The following PCDHA1 variants were observed in gnomAD, a reference collection of about 807,000 sequenced individuals.
The protein encoded by PCDHA1 is protocadherin alpha-1.
Under a neutral mutation model 61.3 loss-of-function variants are expected in PCDHA1, and 42 were observed. The ratio of observed to expected loss-of-function variants is 0.69; its 90% CI spans 0.54 to 0.89. The LOEUF is 0.89. Among genes scored for constraint, PCDHA1 ranks in the 40% least tolerant of loss-of-function variants. The pLI is 0.00. For synonymous variants in PCDHA1, 610 were observed against 553.8 expected (o/e 1.10, Z -1.43); for missense variants, 1,256 against 1,235.3 (o/e 1.02, Z -0.25).
chr5:140,804,899 T>A, intron 1 of PCDHA1: 5 of 770,384 alleles, frequency 6.5e-6, no homozygotes, highest in Non-Finnish European at 9.5e-6. Context: ...TCCCCTCACT[T>A]CCATTTTCTT....
At chr5:140,978,739 T>C (rs2096820890) in intron 1 of PCDHA1, among the ~76,000 whole-genome samples, 1 of 152,252 alleles carries the variant, frequency 6.6e-6, no homozygotes, top group Non-Finnish European at 1.5e-5. Context: ...TCTTCCAGGG[T>C]ATCTAATCTG....
chr5:140,953,963 G>A lies in PCDHA1; in HGVS notation c.2395-24986G>A, dbSNP rs193094168. ...CATTGCTCCCCCAACAGGCCCCAGT[G>A]TGTGTTGTTCCCCTTCATATTTTCA... On this transcript the variant is annotated intron_variant, in intron 1 of 3. Transcript: ENST00000504120. Among the ~76,000 whole-genome samples the A allele has an allele frequency of 2.1e-3, 322 of 152,136 alleles. 11 individuals carry two copies. Among genetic ancestry groups the A allele is most frequent in the Admixed American group, 0.021 (314 of 15,274 alleles).
chr5:140,853,458 T>TA lies in PCDHA1; in HGVS notation c.2394+64775dup. 7 of 974,486 alleles carry TA rather than the reference T, an allele frequency of 7.2e-6. 1 individual carries two copies. Among genetic ancestry groups the TA allele is most frequent in the Non-Finnish European group, 8.7e-6 (7 of 807,370 alleles). The allele number at this position is 974,486 out of a possible 1,614,324, so 60.4% of individuals were successfully genotyped here. ...CTATTTTGCCTAATAGGTCTCCTTA[T>TA]ATGCATCTGTAGTTAACATTCCTCA... On this transcript the variant is annotated intron_variant, in intron 1 of 3. Coordinates refer to ENST00000504120, the MANE Select transcript of PCDHA1 (RefSeq NM_018900.4).
intron 3 of PCDHA1, 60 bp from the exon 4 acceptor site, chr5:141,009,567 A>T: frequency 6.3e-7 from 1 of 1,575,430 alleles, no homozygotes; most frequent in Admixed American, 1.8e-5. Flanking sequence ...CTCTACCAGC[A>T]GTGTGGCATC....
At chr5:140,801,193 T>C in intron 1 of PCDHA1, 1 of 1,586,818 alleles carries the variant, frequency 6.3e-7, no homozygotes, top group Non-Finnish European at 8.6e-7. Context: ...TGGAAAATAC[T>C]TGCAATGTTG....
chr5:140,882,392 G>T (rs781850899), intron 1 of PCDHA1: 5 of 1,614,058 alleles, frequency 3.1e-6, no homozygotes, highest in Middle Eastern at 1.6e-4. Flanking sequence ...AGCAAAACAC[G>T]GCACCTTCGT....
chr5:140,835,261 T>A (rs2150232896), intron 1 of PCDHA1: 1 of 1,608,418 alleles, frequency 6.2e-7, no homozygotes, highest in Admixed American at 1.7e-5. Flanking sequence ...AAATCCAAGT[T>A]CCACATGGAC....
At chr5:140,905,986 T>G (rs2072268646) in intron 1 of PCDHA1, among the ~76,000 whole-genome samples, 1 of 152,198 alleles carries the variant, frequency 6.6e-6, no homozygotes, top group Non-Finnish European at 1.5e-5. Flanking sequence ...GGGAGAAAGA[T>G]GTAGGCTGGG....
At position 141,010,158 on chromosome 5, in the gene PCDHA1, GT is replaced by G. The variant is rs1563735803; in HGVS notation, c.*225del. 1.3e-6 allele frequency: 2 copies of G among 1,570,690 alleles called. No homozygotes were observed. The highest frequency in any genetic ancestry group is 1.7e-6 in the Non-Finnish European group (2 of 1,156,884). ...TAACTCTTTCTCTCCACTCTGGCTT[GT>G]TTTCAGAACCTAAAAAGCAGACCCA... On this transcript the variant is annotated 3_prime_UTR_variant, in exon 4 of 4. Coordinates refer to ENST00000504120, the MANE Select transcript of PCDHA1 (RefSeq NM_018900.4).
At chr5:140,796,664 C>T (rs782594473) in intron 1 of PCDHA1, 3 of 1,613,850 alleles carry the variant, frequency 1.9e-6, no homozygotes, top group Middle Eastern at 1.7e-4. Context: ...GCACTGTTGG[C>T]GCCTAGGGCT....
At chr5:140,848,283 C>G in intron 1 of PCDHA1, 1 of 605,274 alleles carries the variant, frequency 1.7e-6, no homozygotes, top group Non-Finnish European at 2.9e-6. Context: ...TATGTACTTA[C>G]ACTTTGGGCC....
At chr5:140,907,170 TG>T (rs1318866379) in intron 1 of PCDHA1, among the ~76,000 whole-genome samples, 1 of 152,188 alleles carries the variant, frequency 6.6e-6, no homozygotes. Flanking sequence ...TATTGGATGC[TG>T]ATTCAGAGCA....
chr5:140,803,077 A>G lies in PCDHA1; in HGVS notation c.2394+14393A>G, dbSNP rs782345607. ...CGCATCCCGTTTCGCGTGGGGCTGT[A>G]CACGGGAGAGATCAGCACGACCCGT... is the stretch of plus-strand genomic sequence containing the variant. On this transcript the variant is annotated intron_variant, in intron 1 of 3. Transcript: ENST00000504120. 3 of 1,613,934 alleles carry G rather than the reference A, an allele frequency of 1.9e-6. No individual in the cohort carries two copies. In the Admixed American group the frequency reaches 5.0e-5, roughly 27 times the overall value.
chr5:140,983,665 A>G (rs1161885514), intron 3 of PCDHA1, among the ~76,000 whole-genome samples: 3 of 152,248 alleles, frequency 2.0e-5, no homozygotes, highest in Non-Finnish European at 4.4e-5. Flanking sequence ...GGCAGAGGGT[A>G]GGATTCAAAC....
At chr5:140,877,272 C>T in intron 1 of PCDHA1, 3 of 1,613,832 alleles carry the variant, frequency 1.9e-6, no homozygotes, top group Non-Finnish European at 2.5e-6. Flanking sequence ...TGGACGCTGA[C>T]TCCGGCTATA....
At chr5:140,870,952 T>G in intron 1 of PCDHA1, 4 of 1,613,610 alleles carry the variant, frequency 2.5e-6, no homozygotes, top group Non-Finnish European at 3.4e-6. Flanking sequence ...GGCGGGCGGC[T>G]CGCGCATCCC....
intron 1 of PCDHA1, among the ~76,000 whole-genome samples, chr5:140,799,843 A>G (rs559940756): frequency 9.1e-4 from 138 of 152,200 alleles, no homozygotes; most frequent in African/African-American, 3.2e-3. Context: ...AAATTTGTAC[A>G]TTATTTTATT....
chr5:140,828,281 T>G lies in PCDHA1; in HGVS notation c.2394+39597T>G, dbSNP rs143573134. 144 of 1,613,970 alleles carry G rather than the reference T, an allele frequency of 8.9e-5. No homozygotes were observed. Among genetic ancestry groups the G allele is most frequent in the Non-Finnish European group, 1.2e-4 (139 of 1,180,050 alleles). On this transcript the variant is annotated intron_variant, in intron 1 of 3. Transcript: ENST00000504120. ...GCTGGCGGAGCTGGTGCCGCGCCTG[T>G]TCAGGATGGCCTCCAAAGACCGCGA... is the stretch of plus-strand genomic sequence containing the variant.
At chr5:140,883,912 C>A in intron 1 of PCDHA1, 1 of 1,613,300 alleles carries the variant, frequency 6.2e-7, no homozygotes, top group South Asian at 1.1e-5. Context: ...TGGGCAGCAA[C>A]GTGACGCTGC....
Sources: allele counts gnomAD v4.1 joint callset (sites outside exome capture counted in the v4.1 genomes callset), GRCh38; gene constraint gnomAD v4.1.1; transcripts MANE v1.5; gene names NCBI Gene and HGNC (gene_info 2026-07-23, HGNC 2026-07-21).